The following OSBPL8 variants were observed in gnomAD, a reference collection of about 807,000 sequenced individuals.
OSBPL8 encodes oxysterol binding protein like 8.
A neutral mutation model predicts 125.5 loss-of-function variants in OSBPL8; 59 were observed. The observed-to-expected ratio is 0.47, with a 90% CI of 0.38 to 0.58. The LOEUF (loss-of-function observed/expected upper bound fraction) is 0.58, where lower values mean the gene tolerates loss of function less well. OSBPL8 is among the 20% of genes least tolerant of loss of function. OSBPL8 has a pLI of 0.00. For missense variants in OSBPL8, 758 were observed against 1,047.8 expected (o/e 0.72, Z 3.82); for synonymous variants, 330 against 338.9 (o/e 0.97, Z 0.29).
intron 1 of OSBPL8, among the ~76,000 whole-genome samples, chr12:76,504,889 C>T (rs1234269819): frequency 6.6e-6 from 1 of 152,106 alleles, no homozygotes; most frequent in Non-Finnish European, 1.5e-5. Context: ...TTTCAGGCTT[C>T]TGCATTTCTG....
chr12:76,439,598 G>A (rs1387011264), intron 4 of OSBPL8, among the ~76,000 whole-genome samples: 2 of 151,728 alleles, frequency 1.3e-5, no homozygotes, highest in African/African-American at 4.8e-5. Context: ...TTCCCTAAAG[G>A]CTTGGTAGGA....
intron 1 of OSBPL8, among the ~76,000 whole-genome samples, chr12:76,523,811 C>T (rs1261333900): frequency 3.3e-5 from 5 of 152,174 alleles, no homozygotes; most frequent in Admixed American, 2.6e-4. Flanking sequence ...TATTTTATTA[C>T]AGCAGCCCAA....
At chr12:76,547,349 A>T (rs1950809308) in intron 1 of OSBPL8, among the ~76,000 whole-genome samples, 1 of 152,194 alleles carries the variant, frequency 6.6e-6, no homozygotes, top group African/African-American at 2.4e-5. Flanking sequence ...ATGGAGCCTG[A>T]AGATTATGAA....
intron 15 of OSBPL8, among the ~76,000 whole-genome samples, chr12:76,380,320 T>A (rs975545152): frequency 6.6e-6 from 1 of 152,174 alleles, no homozygotes; most frequent in Admixed American, 6.5e-5. Flanking sequence ...AATGTTTTAG[T>A]CTTCAGTATA....
intron 1 of OSBPL8, among the ~76,000 whole-genome samples, chr12:76,498,864 C>T (rs1203395579): frequency 6.6e-6 from 1 of 151,782 alleles, no homozygotes; most frequent in Non-Finnish European, 1.5e-5. Context: ...GGACTACAGG[C>T]ACACACCACC....
Position 76,355,753 on chromosome 12 carries a change from A to G in OSBPL8, c.*136T>C. ...GTGAAGATAAAAGATACGAAAAGTC[A>G]ATACCTCTACATTTATCTCCTAGGT... On this transcript the variant is annotated 3_prime_UTR_variant, in exon 24 of 24. Coordinates refer to ENST00000261183, the MANE Select transcript of OSBPL8 (RefSeq NM_020841.5). 2.2e-6 allele frequency: 2 copies of G among 907,738 alleles called. No homozygotes were observed. The highest frequency in any genetic ancestry group is 3.2e-6 in the Non-Finnish European group (2 of 620,306). 56.2% of individuals were successfully genotyped at this position (907,738 alleles called of 1,614,324 possible).
intron 2 of OSBPL8, among the ~76,000 whole-genome samples, chr12:76,472,449 CAA>C (rs1876259620): frequency 6.6e-6 from 1 of 152,128 alleles, no homozygotes; most frequent in African/African-American, 2.4e-5. Context: ...AGACACTAGA[CAA>C]AGAGATAAGA....
intron 6 of OSBPL8, among the ~76,000 whole-genome samples, chr12:76,400,915 A>G (rs1335060095): frequency 1.3e-5 from 2 of 151,618 alleles, no homozygotes; most frequent in Non-Finnish European, 2.9e-5. Flanking sequence ...CAGCCTCCCA[A>G]GCAGCTAGGA....
chr12:76,512,845 TC>T (rs1881139822), intron 1 of OSBPL8, among the ~76,000 whole-genome samples: 1 of 152,236 alleles, frequency 6.6e-6, no homozygotes. Context: ...TTTGTCTGCA[TC>T]TTTTCTGATT....
At chr12:76,356,832 C>G (rs1952006106) in intron 22 of OSBPL8, 104 bp from the exon 23 acceptor site, 1 of 693,774 alleles carries the variant, frequency 1.4e-6, no homozygotes, top group South Asian at 2.0e-5. Flanking sequence ...GTTTTTGTAG[C>G]CTAGAGATTA....
At chr12:76,455,319 G>T (rs1010696759) in intron 3 of OSBPL8, among the ~76,000 whole-genome samples, 2 of 151,594 alleles carry the variant, frequency 1.3e-5, no homozygotes, top group Admixed American at 6.6e-5. Context: ...GCTCAATAAG[G>T]GCTCATTGTA....
chr12:76,452,127 AG>A (rs1203957558), intron 3 of OSBPL8, among the ~76,000 whole-genome samples: 1 of 152,136 alleles, frequency 6.6e-6, no homozygotes, highest in Non-Finnish European at 1.5e-5. Flanking sequence ...CAAAAAAAAA[AG>A]ACGGTTTAGT....
intron 2 of OSBPL8, among the ~76,000 whole-genome samples, chr12:76,481,049 T>C (rs1477359202): frequency 1.3e-5 from 2 of 150,186 alleles, no homozygotes; most frequent in East Asian, 1.9e-4. Flanking sequence ...GTTGAAGTGA[T>C]ACAAGGAAGG....
chr12:76,553,811 A>T (rs1275691532), intron 1 of OSBPL8, among the ~76,000 whole-genome samples: 1 of 151,934 alleles, frequency 6.6e-6, no homozygotes, highest in Non-Finnish European at 1.5e-5. Context: ...CCCCATCTCT[A>T]CTAAAAATAC....
At chr12:76,410,093 C>T (rs1472942889) in intron 5 of OSBPL8, among the ~76,000 whole-genome samples, 2 of 152,060 alleles carry the variant, frequency 1.3e-5, no homozygotes, top group Non-Finnish European at 2.9e-5. Flanking sequence ...CTAAGTATCC[C>T]AGTTTCAGAA....
intron 21 of OSBPL8, among the ~76,000 whole-genome samples, chr12:76,367,227 T>TCGG (rs1321073003): frequency 1.4e-4 from 19 of 132,140 alleles, no homozygotes; most frequent in Admixed American, 1.7e-4. Context: ...GCTTTGTTGA[T>TCGG]TGGTGTGTGT....
At chr12:76,523,820 A>T (rs1280369165) in intron 1 of OSBPL8, among the ~76,000 whole-genome samples, 1 of 152,220 alleles carries the variant, frequency 6.6e-6, no homozygotes, top group Non-Finnish European at 1.5e-5. Context: ...ACAGCAGCCC[A>T]AGCAGACTTA....
chr12:76,390,519 A>G lies in OSBPL8; in HGVS notation c.1068T>C (p.Asp356=). The G allele has an allele frequency of 6.2e-7, 1 of 1,613,912 alleles. No individual in the cohort carries two copies. ...VMGKSEESDT[D]TSERQDDSYI... is the part of the protein sequence containing the mutation. ...ATGAGTCATCTTGTCTTTCTGATGTATCTGTGTCACTTTCTTCACTTTTCC... is the reference window on the plus strand; with the variant it reads ...ATGAGTCATCTTGTCTTTCTGATGTGTCTGTGTCACTTTCTTCACTTTTCC... The change falls in exon 11 of 24, where the codon GAT becomes GAC. Residue 356 remains aspartate (D), a synonymous_variant. Transcript: ENST00000261183.
chr12:76,452,337 T>C (rs777293234), intron 3 of OSBPL8, among the ~76,000 whole-genome samples: 1 of 152,162 alleles, frequency 6.6e-6, no homozygotes, highest in Non-Finnish European at 1.5e-5. Flanking sequence ...AAAATTATTT[T>C]TCCAAGTCAA....
Sources: allele counts gnomAD v4.1 joint callset (sites outside exome capture counted in the v4.1 genomes callset), GRCh38; gene constraint gnomAD v4.1.1; transcripts MANE v1.5; gene names NCBI Gene and HGNC (gene_info 2026-07-23, HGNC 2026-07-21).